ANKFY1: variants seen among roughly 807,000 people sequenced by gnomAD.
ANKFY1 encodes the protein ankyrin repeat and FYVE domain containing 1.
Under a neutral mutation model 128.3 loss-of-function variants are expected in ANKFY1, and 47 were observed. The ratio of observed to expected loss-of-function variants is 0.37; its 90% CI spans 0.29 to 0.47. The LOEUF is 0.47. Ranked by LOEUF, ANKFY1 falls within the 20% of genes least tolerant of loss-of-function variation. ANKFY1 has a pLI of 1.00. For missense variants in ANKFY1, 1,222 were observed against 1,510.6 expected (o/e 0.81, Z 3.17); for synonymous variants, 553 against 601.6 (o/e 0.92, Z 1.18).
chr17:4,254,640 G>A (rs1466239698), intron 1 of ANKFY1, among the ~76,000 whole-genome samples: 1 of 152,144 alleles, frequency 6.6e-6, no homozygotes, highest in East Asian at 1.9e-4. Flanking sequence ...ATCTGTTACA[G>A]CAGCCACATG....
chr17:4,202,696 CAAAA>C (rs60561665), intron 7 of ANKFY1, among the ~76,000 whole-genome samples: 14 of 74,698 alleles, frequency 1.9e-4, no homozygotes, highest in Non-Finnish European at 2.3e-4. Flanking sequence ...AACTCCGTCT[CAAAA>C]AAAAAAAAAA....
At chr17:4,232,560 G>T (rs889961948) in intron 3 of ANKFY1, among the ~76,000 whole-genome samples, 1 of 152,172 alleles carries the variant, frequency 6.6e-6, no homozygotes, top group Non-Finnish European at 1.5e-5. Flanking sequence ...ACTTTGAAGC[G>T]GATCACTCCT....
At chr17:4,231,269 G>C (rs2060507888) in intron 3 of ANKFY1, among the ~76,000 whole-genome samples, 1 of 152,190 alleles carries the variant, frequency 6.6e-6, no homozygotes, top group Non-Finnish European at 1.5e-5. Flanking sequence ...GCCAAGGCAG[G>C]AGGATCATCT....
At position 4,223,797 on chromosome 17, in the gene ANKFY1, C is replaced by CA. The variant is rs1162879128; in HGVS notation, c.323-6680dup. ...TTTCAGCAGCTGGTACAGTGTCTCA[C>CA]AGTTTCATGCAGGCCTGGGGGCCTA... is the stretch of plus-strand genomic sequence containing the variant. On this transcript the variant is annotated intron_variant, in intron 3 of 24. Transcript: ENST00000341657. 1.5e-5 allele frequency: 22 copies of CA among 1,479,522 alleles called. No homozygotes were observed. The East Asian group carries it at 5.1e-4, about 34-fold the overall frequency. The allele number at this position is 1,479,522 out of a possible 1,614,324, so 91.6% of individuals were successfully genotyped here. A position where few individuals can be genotyped will look rare whatever the true frequency, so the allele number is the denominator to read the frequency against.
At position 4,198,044 on chromosome 17, in the gene ANKFY1, G is replaced by A. The variant is rs147362402; in HGVS notation, c.899-467C>T. ...CTTGGGAGGCTGAGGCACGAGATTC[G>A]CTTGAACCCAGGGGGTGGAGGTTGC... On this transcript the variant is annotated intron_variant, in intron 7 of 24. Transcript: ENST00000341657. Among the ~76,000 whole-genome samples the A allele has an allele frequency of 4.9e-3, 751 of 151,884 alleles. 5 individuals carry two copies. The highest frequency in any genetic ancestry group is 0.018 in the African/African-American group (731 of 41,424).
At chr17:4,214,759 C>A (rs184440506) in intron 4 of ANKFY1, among the ~76,000 whole-genome samples, 72 of 151,946 alleles carry the variant, frequency 4.7e-4, no homozygotes, top group African/African-American at 1.7e-3. Flanking sequence ...TAACATCAAG[C>A]ATATATTTAA....
At chr17:4,218,676 G>A (rs2060259551) in intron 3 of ANKFY1, among the ~76,000 whole-genome samples, 1 of 152,004 alleles carries the variant, frequency 6.6e-6, no homozygotes, top group African/African-American at 2.4e-5. Flanking sequence ...AAAAACTACA[G>A]AAGAAAAAAA....
chr17:4,200,652 G>A (rs1182231978), intron 7 of ANKFY1, among the ~76,000 whole-genome samples: 2 of 152,124 alleles, frequency 1.3e-5, no homozygotes, highest in African/African-American at 4.8e-5. Context: ...TAAATGTGTG[G>A]GTGACCTTGC....
chr17:4,263,815 A>T, intron 1 of ANKFY1, 117 bp downstream of exon 1: 1 of 1,607,616 alleles, frequency 6.2e-7, no homozygotes, highest in Non-Finnish European at 8.5e-7. Context: ...GGCTCGCGAG[A>T]CCCGCGGAGC....
At chr17:4,200,823 T>A (rs958615823) in intron 7 of ANKFY1, among the ~76,000 whole-genome samples, 3 of 152,210 alleles carry the variant, frequency 2.0e-5, no homozygotes, top group Non-Finnish European at 2.9e-5. Flanking sequence ...TGATTTTCTC[T>A]CTCTTCCAAA....
chr17:4,251,431 C>T (rs1163752915), intron 1 of ANKFY1, among the ~76,000 whole-genome samples: 1 of 151,646 alleles, frequency 6.6e-6, no homozygotes, highest in Non-Finnish European at 1.5e-5. Flanking sequence ...GCCTGGGAAA[C>T]CCCATCTTCC....
At chr17:4,212,224 T>C (rs2060145885) in intron 4 of ANKFY1, among the ~76,000 whole-genome samples, 1 of 152,204 alleles carries the variant, frequency 6.6e-6, no homozygotes, top group Non-Finnish European at 1.5e-5. Flanking sequence ...ACATCCACCA[T>C]TGTTTTCCCT....
intron 5 of ANKFY1, 108 bp downstream of exon 5, chr17:4,209,714 CAA>C: frequency 8.0e-7 from 1 of 1,256,570 alleles, no homozygotes; most frequent in Non-Finnish European, 1.1e-6. Flanking sequence ...AATTGTGTAA[CAA>C]GAGAAAACCA....
At chr17:4,175,223 C>T (rs934863643) in intron 19 of ANKFY1, among the ~76,000 whole-genome samples, 5 of 151,514 alleles carry the variant, frequency 3.3e-5, no homozygotes, top group African/African-American at 1.2e-4. Flanking sequence ...ATCACAGCTA[C>T]TCGGGAGGAT....
In ANKFY1 at chr17:4,237,438, G is replaced by A. The variant is rs368871756; in HGVS notation, c.204-1548C>T. On this transcript the variant is annotated intron_variant, in intron 2 of 24. Transcript: ENST00000341657. ...ATCAAACTGTATCAGCACAACCTGT[G>A]ACAAAGTGTAAACAATTTAATGAAA... 1.5e-4 allele frequency among the ~76,000 whole-genome samples: 23 copies of A among 152,248 alleles called. No individual in the cohort carries two copies. In the South Asian group the frequency reaches 1.9e-3, roughly 12 times the overall value.
intron 4 of ANKFY1, among the ~76,000 whole-genome samples, chr17:4,213,530 G>A (rs2060171220): frequency 6.7e-6 from 1 of 150,298 alleles, no homozygotes; most frequent in African/African-American, 2.4e-5. Context: ...TAATAAACAA[G>A]AATGTAAGTT....
intron 1 of ANKFY1, among the ~76,000 whole-genome samples, chr17:4,253,564 A>G (rs1053421158): frequency 6.6e-6 from 1 of 152,108 alleles, no homozygotes; most frequent in African/African-American, 2.4e-5. Flanking sequence ...TGCCCTTCTC[A>G]TCCTTCTACT....
rs749977173 is a variant in ANKFY1, at chr17:4,184,981, C to A, written c.1536G>T (p.Gln512His). 6.2e-7 allele frequency: 1 copy of A among 1,613,980 alleles called. No individual in the cohort carries two copies. The highest frequency in any genetic ancestry group is 1.1e-5 in the South Asian group (1 of 91,088). ...TCTGCAGGTTTGGGTTGGCGCCTTG[C>A]TGCAGGAGCTCTGCCGTGAGGTTGG... is the stretch of plus-strand genomic sequence containing the variant. ...GLANLTAELLQQGANPNLQTE... is the reference protein window; with the variant it reads ...GLANLTAELLHQGANPNLQTE... Residue 512 changes from glutamine to histidine, a missense_variant, in exon 12 of 25, where the codon CAG (glutamine) becomes CAT (histidine). Coordinates refer to ENST00000341657, the MANE Select transcript of ANKFY1 (RefSeq NM_001330063.2).
In ANKFY1 at chr17:4,165,565, GT is replaced by G. The variant is rs1453879866; in HGVS notation, c.*2213del. On this transcript the variant is annotated 3_prime_UTR_variant, in exon 25 of 25. Coordinates refer to ENST00000341657, the MANE Select transcript of ANKFY1 (RefSeq NM_001330063.2). The stretch of plus-strand genomic sequence containing the variant: ...TCCGCGTGGTCGGGGGGCTTCCTAA[GT>G]CTGTGGAAAGAGGCTTTTCCTATAT... 1 of 152,234 alleles carries G rather than the reference GT, an allele frequency of 6.6e-6. No homozygotes were observed. Among genetic ancestry groups the G allele is most frequent in the Non-Finnish European group, 1.5e-5 (1 of 68,052 alleles). The allele number at this position is 152,234 out of a possible 1,614,324, so 9.4% of individuals were successfully genotyped here.
Sources: allele counts gnomAD v4.1 joint callset (sites outside exome capture counted in the v4.1 genomes callset), GRCh38; gene constraint gnomAD v4.1.1; transcripts MANE v1.5; gene names NCBI Gene and HGNC (gene_info 2026-07-23, HGNC 2026-07-21).